RNF207: variants seen among roughly 807,000 people sequenced by gnomAD.
The protein encoded by RNF207 is OTTHUMG00000001089.
In RNF207, 72 loss-of-function variants were observed where a neutral mutation model predicts 79.0. The observed-to-expected ratio is 0.91, with a 90% CI of 0.75 to 1.11. The LOEUF is 1.11. RNF207 is among the 50% of genes least tolerant of loss of function. RNF207 has a pLI of 0.00. For synonymous variants in RNF207, 348 were observed against 366.2 expected, an observed-to-expected ratio of 0.95 and a Z score of 0.57; for missense variants, 936 against 855.8, an observed-to-expected ratio of 1.09 and a Z score of -1.17.
chr1:6,209,513 A>G lies in RNF207; in HGVS notation c.727A>G (p.Ile243Val). ...CAGCGCCGCCGAGGAGGAGGACGCT[A>G]TCCACGCCCTCTTCGGCAGCATGCA... ...RHSAAEEEDA[I>V]HALFGSMQDR... The change falls in exon 7 of 18, where the codon ATC becomes GTC. Residue 243 changes from isoleucine to valine, a missense_variant. Coordinates refer to ENST00000377939, the MANE Select transcript of RNF207 (RefSeq NM_207396.3). 6.8e-7 allele frequency: 1 copy of G among 1,472,378 alleles called. No individual in the cohort carries two copies. Among genetic ancestry groups the G allele is most frequent in the Non-Finnish European group, 8.9e-7 (1 of 1,120,830 alleles). The allele number at this position is 1,472,378 out of a possible 1,614,324, so 91.2% of individuals were successfully genotyped here.
rs1362773834 is a variant in RNF207, at chr1:6,217,387, G to A, written c.1653-902G>A. On this transcript the variant is annotated intron_variant, in intron 16 of 17. Transcript: ENST00000377939. The surrounding 1 kb of genome is among the most constrained non-coding windows in gnomAD (Gnocchi z 4.2). ...CCTGGCTTTAAGACCCCATCATGACGCAGACCCCCAGCTCCCGCTCCAGCA... is the reference window on the plus strand; with the variant it reads ...CCTGGCTTTAAGACCCCATCATGACACAGACCCCCAGCTCCCGCTCCAGCA... Among the ~76,000 whole-genome samples, 1 of 152,050 alleles carries A rather than the reference G, an allele frequency of 6.6e-6. No individual in the cohort carries two copies. The highest frequency in any genetic ancestry group is 1.5e-5 in the Non-Finnish European group (1 of 68,014).
intron 7 of RNF207, 40 bp downstream of exon 7, chr1:6,209,579 A>T: frequency 7.0e-7 from 1 of 1,430,104 alleles, no homozygotes; most frequent in Non-Finnish European, 9.1e-7. Flanking sequence ...CCCAGCCGGG[A>T]CCTGGTGACA....
chr1:6,208,326 T>A (rs181078013), intron 3 of RNF207: 14,564 of 145,962 alleles, frequency 0.1, 1,352 homozygotes, highest in African/African-American at 0.26. Context: ...AAAAAAAAAA[T>A]TTTTTTTTTT....
intron 14 of RNF207, 54 bp downstream of exon 14, chr1:6,212,470 C>G (rs976730352): frequency 5.9e-6 from 9 of 1,514,554 alleles, no homozygotes; most frequent in African/African-American, 4.1e-5. Flanking sequence ...GATACCTGGG[C>G]TACCCTAAGA....
chr1:6,215,233 G>A (rs1254472661), intron 16 of RNF207, among the ~76,000 whole-genome samples: 1 of 151,844 alleles, frequency 6.6e-6, no homozygotes, highest in Non-Finnish European at 1.5e-5. Flanking sequence ...TCTCCATGTT[G>A]GTCAGGTTGG....
chr1:6,211,957 C>T lies in RNF207; in HGVS notation c.1200C>T (p.Pro400=). Residue 400 remains proline (P), a synonymous_variant, in exon 13 of 18, where the codon CCC becomes CCT. Coordinates refer to ENST00000377939, the MANE Select transcript of RNF207 (RefSeq NM_207396.3). This position sits in a 1 kb window ranked among gnomAD's most constrained non-coding sequence, Gnocchi z 4.2. The part of the protein sequence containing the change: ...GKMSGSPVQK[P]TLHRSISTKV... ...TGTCGGGGTCACCCGTCCAAAAGCC[C>T]ACGCTGCACCGGTCCATCAGCACCA... 6.4e-7 allele frequency: 1 copy of T among 1,566,900 alleles called. No individual in the cohort carries two copies. The highest frequency in any genetic ancestry group is 8.6e-7 in the Non-Finnish European group (1 of 1,156,256).
intron 14 of RNF207, 106 bp downstream of exon 14, chr1:6,212,522 C>T: frequency 1.6e-6 from 2 of 1,278,410 alleles, no homozygotes; most frequent in East Asian, 2.4e-5. Flanking sequence ...CCCCACGGGA[C>T]CCTCATGTGG....
rs1668025847 is a variant in RNF207 at position 6,208,914 on chromosome 1, G to T, written c.358G>T (p.Gly120Ter). The T allele has an allele frequency of 1.0e-5, 16 of 1,533,910 alleles. No individual in the cohort carries two copies. Among genetic ancestry groups the T allele is most frequent in the African/African-American group, 1.4e-5 (1 of 72,706 alleles). The change falls in exon 4 of 18, where the codon GGA (glycine) becomes TGA (stop). Residue 120 changes from glycine (G) to a stop codon, truncating the protein, a stop_gained. Coordinates refer to ENST00000377939, the MANE Select transcript of RNF207 (RefSeq NM_207396.3). LOFTEE classifies it high-confidence loss of function. Reference sequence around the variant, plus strand: ...GACCACGTACTTCTGCAACACGTGCGGACAGCCCCTATGCGCGCGCTGCCG... The same window carrying T: ...GACCACGTACTTCTGCAACACGTGCTGACAGCCCCTATGCGCGCGCTGCCG... ...VETTYFCNTC[G>*]QPLCARCRDE...
Position 6,219,308 on chromosome 1 carries a change from C to A in RNF207, c.1806C>A (p.Asn602Lys), listed in dbSNP as rs1423488370. 2.5e-6 allele frequency: 4 copies of A among 1,613,236 alleles called. No individual in the cohort carries two copies. Among genetic ancestry groups the A allele is most frequent in the Non-Finnish European group, 3.4e-6 (4 of 1,179,474 alleles). Reference sequence around the variant, plus strand: ...CTAAAGGAAACAGCTGGGCTCCGAACGGCCTCTCAGAAGAGCCTCTACTGA... The same window carrying A: ...CTAAAGGAAACAGCTGGGCTCCGAAAGGCCTCTCAGAAGAGCCTCTACTGA... ...SEPKGNSWAP[N>K]GLSEEPLLKN... is the part of the protein sequence containing the mutation. Residue 602 changes from asparagine (N) to lysine (K), a missense_variant, in exon 18 of 18, where the codon AAC (asparagine) becomes AAA (lysine). Transcript: ENST00000377939.
At chr1:6,206,510 G>A in intron 1 of RNF207, 26 bp from the exon 2 acceptor site, 1 of 1,522,110 alleles carries the variant, frequency 6.6e-7, no homozygotes, top group Non-Finnish European at 8.8e-7. Context: ...GCGTGCCCCA[G>A]CCGCCCGCTT....
rs1668477186 is a variant in RNF207, at chr1:6,219,483, A to T, written c.*76A>T. 1 of 1,111,476 alleles carries T rather than the reference A, an allele frequency of 9.0e-7. No individual in the cohort carries two copies. The highest frequency in any genetic ancestry group is 1.3e-6 in the Non-Finnish European group (1 of 793,694). The allele number at this position is 1,111,476 out of a possible 1,614,324, so 68.9% of individuals were successfully genotyped here. A position where few individuals can be genotyped will look rare whatever the true frequency, so the allele number is the denominator to read the frequency against. On this transcript the variant is annotated 3_prime_UTR_variant, in exon 18 of 18. Transcript: ENST00000377939. ...GGACACTGGACAGAAGGTTGTTCCC[A>T]TGATGGTTTTTTTTATTTTTTATTT...
rs915033014 is a variant in RNF207 at position 6,221,179 on chromosome 1, C to T, written c.*1772C>T. ...TGACCTCAGAGTTTCACATCCCAGA[C>T]AATCACACTGTGGTTGAGTGAAATC... is the stretch of plus-strand genomic sequence containing the variant. On this transcript the variant is annotated 3_prime_UTR_variant, in exon 18 of 18. Transcript: ENST00000377939. 1 of 152,602 alleles carries T rather than the reference C, an allele frequency of 6.6e-6. No individual in the cohort carries two copies. Among genetic ancestry groups the T allele is most frequent in the African/African-American group, 2.4e-5 (1 of 41,456 alleles). 9.5% of individuals were successfully genotyped at this position (152,602 alleles called of 1,614,324 possible).
At chr1:6,206,416 T>C in intron 1 of RNF207, 114 bp downstream of exon 1, 1 of 690,732 alleles carries the variant, frequency 1.4e-6, no homozygotes, top group Non-Finnish European at 2.4e-6. Flanking sequence ...CCATGACCTC[T>C]GGACGCCCAG....
chr1:6,215,468 C>T (rs556085279), intron 16 of RNF207, among the ~76,000 whole-genome samples: 1 of 152,034 alleles, frequency 6.6e-6, no homozygotes. Context: ...TGCCAAGCCT[C>T]TTTATCTTCC....
Position 6,207,500 on chromosome 1 carries a change from T to C in RNF207, c.313T>C (p.Cys105Arg), listed in dbSNP as rs775451529. 3.7e-6 allele frequency: 6 copies of C among 1,603,114 alleles called. No homozygotes were observed. The South Asian group carries it at 5.6e-5, about 15-fold the overall frequency. The change falls in exon 3 of 18, where the codon TGC (cysteine) becomes CGC (arginine). Residue 105 changes from cysteine to arginine, a missense_variant. Physicochemically the swap from Cys to Arg is radical, Grantham distance 180. Transcript: ENST00000377939. The surrounding 1 kb of genome is among the most constrained non-coding windows in gnomAD (Gnocchi z 4.5). The stretch of plus-strand genomic sequence containing the variant: ...GCGCTGTGCCAACTGTGACCTGGAG[T>C]GCAGCGAGCAGGCAGGGGCGGCAGG... The part of the protein sequence containing the change: ...AVRCANCDLE[C>R]SEQDVETTYF...
At chr1:6,209,629 G>T in intron 7 of RNF207, 90 bp downstream of exon 7, 2 of 1,355,170 alleles carry the variant, frequency 1.5e-6, no homozygotes, top group Non-Finnish European at 1.9e-6. Flanking sequence ...CCAGTGTAGT[G>T]GGGCAGCAGG....
At chr1:6,208,768 C>A in intron 3 of RNF207, 113 bp from the exon 4 acceptor site, 1 of 1,132,428 alleles carries the variant, frequency 8.8e-7, no homozygotes, top group Non-Finnish European at 1.2e-6. Context: ...CTGCGTTTAG[C>A]TGCGCACCCG....
intron 16 of RNF207, among the ~76,000 whole-genome samples, chr1:6,216,305 C>T (rs1433682880): frequency 6.6e-6 from 1 of 152,218 alleles, no homozygotes; most frequent in African/African-American, 2.4e-5. Context: ...TCAAGCCATA[C>T]TCTACCTCTG....
chr1:6,221,053 TATC>T lies in RNF207; in HGVS notation c.*1649_*1651del, dbSNP rs1247418417. Reference sequence around the variant, plus strand: ...TGGTGGCCTGCAGGGCAAAAGGAATTATCATTACAACTGGTTAGAGGTAGGAAT... The same window carrying T: ...TGGTGGCCTGCAGGGCAAAAGGAATTATTACAACTGGTTAGAGGTAGGAAT... On this transcript the variant is annotated 3_prime_UTR_variant, in exon 18 of 18. Coordinates refer to ENST00000377939, the MANE Select transcript of RNF207 (RefSeq NM_207396.3). 3.3e-5 allele frequency: 5 copies of T among 152,282 alleles called. No homozygotes were observed. Among genetic ancestry groups the T allele is most frequent in the Admixed American group, 1.3e-4 (2 of 15,284 alleles). The allele number at this position is 152,282 out of a possible 1,614,324, so 9.4% of individuals were successfully genotyped here. A position where few individuals can be genotyped will look rare whatever the true frequency, so the allele number is the denominator to read the frequency against.
Sources: allele counts gnomAD v4.1 joint callset (sites outside exome capture counted in the v4.1 genomes callset), GRCh38; gene constraint gnomAD v4.1.1; non-coding constraint Gnocchi (gnomAD v3.1); transcripts MANE v1.5; gene names NCBI Gene and HGNC (gene_info 2026-07-23, HGNC 2026-07-21).